BSCL2: variants seen among roughly 807,000 people sequenced by gnomAD.
BSCL2 encodes seipin.
A neutral mutation model predicts 57.4 loss-of-function variants in BSCL2; 41 were observed. The ratio of observed to expected loss-of-function variants is 0.71; its 90% CI spans 0.56 to 0.93. The LOEUF (loss-of-function observed/expected upper bound fraction) is 0.93. BSCL2 is among the 40% of genes least tolerant of loss of function. The probability of loss-of-function intolerance (pLI) is 0.00; values close to 1 mark genes in which losing one functional copy is unlikely to be tolerated. For synonymous variants in BSCL2, 237 were observed against 227.3 expected (o/e 1.04, Z -0.38); for missense variants, 539 against 586.7 (o/e 0.92, Z 0.84).
At position 62,705,308 on chromosome 11, in the gene BSCL2, A is replaced by G. The variant is rs746458422; in HGVS notation, c.397T>C (p.Tyr133His). Residue 133 changes from tyrosine to histidine, a missense_variant, in exon 2 of 11, where the codon TAC becomes CAC. Around this residue, in one of 3 missense-constraint regions of BSCL2, gnomAD observed 218 missense variants for 224.8 expected, o/e 0.97. Coordinates refer to ENST00000360796, the MANE Select transcript of BSCL2 (RefSeq NM_001122955.4). ...TVSHLSPVHF[Y>H]YRTDCDSSTT... ...ATAGAAGGCCCCTCTCACCTGTAGT[A>G]GAAATGCACAGGGCTGAGGTGGCTG... 1 of 1,611,302 alleles carries G rather than the reference A, an allele frequency of 6.2e-7. No individual in the cohort carries two copies. Among genetic ancestry groups the G allele is most frequent in the Non-Finnish European group, 8.5e-7 (1 of 1,178,618 alleles).
chr11:62,701,268 A>G (rs1206113217), intron 3 of BSCL2, among the ~76,000 whole-genome samples: 1 of 152,186 alleles, frequency 6.6e-6, no homozygotes, highest in Non-Finnish European at 1.5e-5. Context: ...TACCTAGCAG[A>G]TAAATAGATC....
intron 3 of BSCL2, among the ~76,000 whole-genome samples, chr11:62,695,690 G>A (rs1009301883): frequency 4.9e-5 from 6 of 123,544 alleles, no homozygotes; most frequent in East Asian, 2.4e-4. Flanking sequence ...CAGCCTGGGC[G>A]ACAAGAGCAA....
At chr11:62,703,641 G>A (rs929656545) in intron 2 of BSCL2, among the ~76,000 whole-genome samples, 3 of 151,110 alleles carry the variant, frequency 2.0e-5, no homozygotes, top group Admixed American at 6.6e-5. Context: ...GTGAGCCACC[G>A]CGCCCGGCCG....
upstream of BSCL2, chr11:62,708,163 G>A: frequency 4.3e-6 from 3 of 703,940 alleles, no homozygotes; most frequent in East Asian, 2.6e-5. Flanking sequence ...GTCCACTGGA[G>A]GAGGAGGAGG....
At chr11:62,708,924 CA>C, upstream of BSCL2, 4 of 781,818 alleles carry the variant, frequency 5.1e-6, no homozygotes, top group Non-Finnish European at 8.7e-6. Context: ...CTTGCCTGAC[CA>C]TGTGAGGTTA....
In BSCL2 at chr11:62,705,286, G is replaced by C. The variant is rs200598473; in HGVS notation, c.404+15C>G. 18 of 1,596,400 alleles carry C rather than the reference G, an allele frequency of 1.1e-5. No homozygotes were observed. In the East Asian group the frequency reaches 3.8e-4, roughly 34 times the overall value. Reference sequence around the variant, plus strand: ...CCCATAGGAGTCCTCTATTTTGATAGAAGGCCCCTCTCACCTGTAGTAGAA... The same window carrying C: ...CCCATAGGAGTCCTCTATTTTGATACAAGGCCCCTCTCACCTGTAGTAGAA... On this transcript the variant is annotated intron_variant, in intron 2 of 10. Transcript: ENST00000360796.
At chr11:62,691,237 A>C (rs1945301155) in intron 7 of BSCL2, 43 bp downstream of exon 7, 1 of 1,614,022 alleles carries the variant, frequency 6.2e-7, no homozygotes, top group Non-Finnish European at 8.5e-7. Flanking sequence ...CTGACCACCC[A>C]CAAAGATCAA....
upstream of BSCL2, chr11:62,708,178 T>C (rs1357364375): frequency 2.7e-6 from 2 of 743,930 alleles, no homozygotes; most frequent in Admixed American, 3.8e-5. Context: ...AGGAGGAGGA[T>C]AGGAGGGGAA....
Position 62,702,526 on chromosome 11 carries a change from G to A in BSCL2, c.428C>T (p.Thr143Ile), listed in dbSNP as rs767486914. 4 of 1,612,590 alleles carry A rather than the reference G, an allele frequency of 2.5e-6. No homozygotes were observed. Among genetic ancestry groups the A allele is most frequent in the South Asian group, 1.1e-5 (1 of 91,048 alleles). Reference protein sequence around the residue: ...YYRTDCDSSTTSLCSFPVANV... With the variant: ...YYRTDCDSSTISLCSFPVANV... ...GGCAACAGGGAAGGAGCAGAGTGAG[G>A]TGGTGGAGGAATCACAGTCGGTCCT... is the stretch of plus-strand genomic sequence containing the variant. Residue 143 changes from threonine (T) to isoleucine (I), a missense_variant, in exon 3 of 11, where the codon ACC becomes ATC. This residue lies in a region of BSCL2 where 218 missense variants were observed against 224.8 expected (regional missense o/e 0.97). Coordinates refer to ENST00000360796, the MANE Select transcript of BSCL2 (RefSeq NM_001122955.4).
chr11:62,696,415 T>C (rs1207675756), intron 3 of BSCL2, among the ~76,000 whole-genome samples: 1 of 150,670 alleles, frequency 6.6e-6, no homozygotes, highest in Non-Finnish European at 1.5e-5. Context: ...TGCCTCTGCC[T>C]CCTAAGTACC....
chr11:62,702,160 G>A (rs1486109523), intron 3 of BSCL2, among the ~76,000 whole-genome samples: 4 of 151,176 alleles, frequency 2.6e-5, no homozygotes, highest in Admixed American at 6.6e-5. Context: ...TCCTCCTCCC[G>A]GATTCAAGTG....
At chr11:62,694,861 C>A (rs1391149299) in intron 3 of BSCL2, 150 bp from the exon 4 acceptor site, 2 of 955,502 alleles carry the variant, frequency 2.1e-6, no homozygotes, top group Non-Finnish European at 3.2e-6. Flanking sequence ...ATCTGTCATC[C>A]CAAGAAGGTG....
intron 4 of BSCL2, among the ~76,000 whole-genome samples, chr11:62,694,201 T>C (rs1227881763): frequency 8.4e-6 from 1 of 118,944 alleles, no homozygotes; most frequent in Non-Finnish European, 1.7e-5. Flanking sequence ...CATTCTTTTT[T>C]TTTTTTTTTT....
intron 3 of BSCL2, among the ~76,000 whole-genome samples, chr11:62,702,026 C>T (rs183683463): frequency 6.6e-6 from 1 of 151,690 alleles, no homozygotes; most frequent in Admixed American, 6.6e-5. Flanking sequence ...TCAATACACA[C>T]AATTAATTTT....
intron 4 of BSCL2, among the ~76,000 whole-genome samples, chr11:62,694,329 G>C (rs11231190): frequency 6.8e-6 from 1 of 147,458 alleles, no homozygotes; most frequent in Non-Finnish European, 1.5e-5. Context: ...TCAGCCTCTA[G>C]AGTAGCTGGG....
chr11:62,706,122 GGC>G, intron 1 of BSCL2: 1 of 773,110 alleles, frequency 1.3e-6, no homozygotes, highest in Non-Finnish European at 1.6e-6. Context: ...CCCCACGCCC[GGC>G]GGAGCGCCCT....
chr11:62,692,702 C>T lies in BSCL2; in HGVS notation c.726G>A (p.Leu242=), dbSNP rs1945345862. The T allele has an allele frequency of 6.2e-7, 1 of 1,614,068 alleles. No individual in the cohort carries two copies. Among genetic ancestry groups the T allele is most frequent in the African/African-American group, 1.3e-5 (1 of 74,946 alleles). The part of the protein sequence containing the change: ...LLFGFAEQKQ[L]LEVELYADYR... The stretch of plus-strand genomic sequence containing the variant: ...AGTCTGCGTAGAGTTCCACCTCCAG[C>T]AGCTGCTTCTGCTCTGCAAAGCCAA... Residue 242 remains leucine (L), a synonymous_variant, in exon 5 of 11, where the codon CTG becomes CTA. Transcript: ENST00000360796.
At chr11:62,709,507 C>G (rs570979433), upstream of BSCL2, 1,282 of 453,818 alleles carry the variant, frequency 2.8e-3, 3 homozygotes, top group Non-Finnish European at 4.7e-3. Context: ...AGCAGAGGAA[C>G]TCTTAGGAGG....
intron 3 of BSCL2, among the ~76,000 whole-genome samples, chr11:62,699,497 A>G (rs2134720265): frequency 6.6e-6 from 1 of 151,998 alleles, no homozygotes; most frequent in African/African-American, 2.4e-5. Flanking sequence ...TGCCCAGTCA[A>G]GTCATTTATT....
Sources: allele counts gnomAD v4.1 joint callset (sites outside exome capture counted in the v4.1 genomes callset), GRCh38; gene constraint gnomAD v4.1.1; regional missense constraint gnomAD v4.1.1; transcripts MANE v1.5; gene names NCBI Gene and HGNC (gene_info 2026-07-23, HGNC 2026-07-21).